The following TNR variants were observed in gnomAD, a reference collection of about 807,000 sequenced individuals.
The protein encoded by TNR is tenascin-R.
Under a neutral mutation model 150.4 loss-of-function variants are expected in TNR, and 45 were observed. The observed-to-expected ratio is 0.30, with a 90% confidence interval of 0.24 to 0.38. The LOEUF is 0.38. Among genes scored for constraint, TNR ranks in the 10% least tolerant of loss-of-function variants. The probability of loss-of-function intolerance (pLI) is 1.00; values close to 1 mark genes in which losing one functional copy is unlikely to be tolerated. For missense variants in TNR, 1,544 were observed against 1,759.1 expected, an observed-to-expected ratio of 0.88 and a Z score of 2.19; for synonymous variants, 687 against 678.4, an observed-to-expected ratio of 1.01 and a Z score of -0.20.
At position 175,320,490 on chromosome 1, in the gene TNR, T is replaced by C. The variant is rs1396138673; in HGVS notation, c.*2867A>G. On this transcript the variant is annotated 3_prime_UTR_variant, in exon 23 of 23. Coordinates refer to ENST00000367674, the MANE Select transcript of TNR (RefSeq NM_003285.3). Reference sequence around the variant, plus strand: ...TGGTACTATTTATAAAAATGTTCCATAGTGTAGAATGGTTTCAATAAAAGG... The same window carrying C: ...TGGTACTATTTATAAAAATGTTCCACAGTGTAGAATGGTTTCAATAAAAGG... The C allele has an allele frequency of 1.3e-5, 2 of 152,216 alleles. No individual in the cohort carries two copies. The highest frequency in any genetic ancestry group is 4.8e-5 in the African/African-American group (2 of 41,454). The allele number at this position is 152,216 out of a possible 1,614,324, so 9.4% of individuals were successfully genotyped here.
chr1:175,577,606 C>A (rs561806659), intron 1 of TNR, among the ~76,000 whole-genome samples: 2 of 151,982 alleles, frequency 1.3e-5, no homozygotes, highest in Admixed American at 6.6e-5. Context: ...GGTTTGGGAG[C>A]GAGGTAGGGA....
chr1:175,723,285 T>C (rs934282087), intron 1 of TNR, among the ~76,000 whole-genome samples: 2 of 152,206 alleles, frequency 1.3e-5, no homozygotes, highest in Non-Finnish European at 2.9e-5. Context: ...ACACAGTGGA[T>C]GCCCTAATGC....
At chr1:175,540,541 G>A (rs911857014) in intron 1 of TNR, among the ~76,000 whole-genome samples, 1 of 152,202 alleles carries the variant, frequency 6.6e-6, no homozygotes, top group African/African-American at 2.4e-5. Flanking sequence ...CTCAGCTACA[G>A]ATAGCCCTGG....
At chr1:175,340,060 AT>A in intron 18 of TNR, among the ~76,000 whole-genome samples, 1 of 152,224 alleles carries the variant, frequency 6.6e-6, no homozygotes, top group Non-Finnish European at 1.5e-5. Context: ...ATAGTGATTC[AT>A]TTTTTAAAGT....
At chr1:175,692,626 G>A (rs919058353) in intron 1 of TNR, among the ~76,000 whole-genome samples, 1 of 152,178 alleles carries the variant, frequency 6.6e-6, no homozygotes, top group Non-Finnish European at 1.5e-5. Flanking sequence ...GGGCTAAGCA[G>A]GAGTAAGCAG....
At chr1:175,565,032 C>G (rs879398890) in intron 1 of TNR, among the ~76,000 whole-genome samples, 1 of 152,246 alleles carries the variant, frequency 6.6e-6, no homozygotes, top group African/African-American at 2.4e-5. Flanking sequence ...TATGACATAG[C>G]ATCCAAGGCT....
At chr1:175,432,586 C>A (rs1655325338) in intron 2 of TNR, among the ~76,000 whole-genome samples, 1 of 152,052 alleles carries the variant, frequency 6.6e-6, no homozygotes, top group Non-Finnish European at 1.5e-5. Flanking sequence ...TTCCTTCTTT[C>A]ATTTTCTTTT....
Position 175,386,931 on chromosome 1 carries a change from G to A in TNR, c.1508-630C>T, listed in dbSNP as rs544904101. Among the ~76,000 whole-genome samples the A allele has an allele frequency of 5.7e-4, 87 of 152,310 alleles. 1 individual carries two copies. Among genetic ancestry groups the A allele is most frequent in the Admixed American group, 2.2e-3 (34 of 15,298 alleles). On this transcript the variant is annotated intron_variant, in intron 7 of 22. Coordinates refer to ENST00000367674, the MANE Select transcript of TNR (RefSeq NM_003285.3). ...AAAGGATAAAAAGGACCCCAGCTTCGGAACAGCCTCTTACGGGTCATTTTT... is the reference window on the plus strand; with the variant it reads ...AAAGGATAAAAAGGACCCCAGCTTCAGAACAGCCTCTTACGGGTCATTTTT...
At chr1:175,530,013 T>C (rs1660001445) in intron 1 of TNR, among the ~76,000 whole-genome samples, 1 of 152,238 alleles carries the variant, frequency 6.6e-6, no homozygotes, top group African/African-American at 2.4e-5. Flanking sequence ...CATTTTAAAG[T>C]TCTTCATTTG....
intron 2 of TNR, among the ~76,000 whole-genome samples, chr1:175,489,533 T>G (rs1354927217): frequency 6.6e-6 from 1 of 152,170 alleles, no homozygotes; most frequent in East Asian, 1.9e-4. Context: ...GAAGGCACCT[T>G]CCTGGGGAGA....
At chr1:175,529,404 T>C (rs996528062) in intron 1 of TNR, among the ~76,000 whole-genome samples, 2 of 152,144 alleles carry the variant, frequency 1.3e-5, no homozygotes, top group African/African-American at 2.4e-5. Context: ...AGTGTAAAGA[T>C]TATTTAGTTC....
At chr1:175,402,587 A>G (rs1037373121) in intron 4 of TNR, among the ~76,000 whole-genome samples, 2 of 152,228 alleles carry the variant, frequency 1.3e-5, no homozygotes, top group Admixed American at 6.5e-5. Flanking sequence ...GTCCTTGTCT[A>G]AAAACACTCT....
At chr1:175,497,640 T>G (rs185171891) in intron 2 of TNR, among the ~76,000 whole-genome samples, 9 of 152,304 alleles carry the variant, frequency 5.9e-5, no homozygotes, top group Non-Finnish European at 4.4e-5. Context: ...TCCCCCTTCA[T>G]GCAAGAAAGC....
chr1:175,331,062 T>TTTCCTTCC (rs1649803094), intron 20 of TNR, among the ~76,000 whole-genome samples: 1 of 124,000 alleles, frequency 8.1e-6, no homozygotes, highest in African/African-American at 3.5e-5. Flanking sequence ...TCTTTCTTTC[T>TTTCCTTCC]TTCTTTCTTT....
At chr1:175,701,125 G>C (rs1368045332) in intron 1 of TNR, among the ~76,000 whole-genome samples, 1 of 152,138 alleles carries the variant, frequency 6.6e-6, no homozygotes, top group South Asian at 2.1e-4. Flanking sequence ...CAAAACACTG[G>C]TTCATGCTCC....
chr1:175,720,799 G>A (rs1441398718), intron 1 of TNR, among the ~76,000 whole-genome samples: 1 of 152,210 alleles, frequency 6.6e-6, no homozygotes, highest in Non-Finnish European at 1.5e-5. Context: ...AGATATTCCT[G>A]TTTTGCTCTC....
chr1:175,451,613 C>T (rs185302034), intron 2 of TNR, among the ~76,000 whole-genome samples: 140 of 152,258 alleles, frequency 9.2e-4, no homozygotes, highest in Non-Finnish European at 1.5e-3. Flanking sequence ...TTGGATACGC[C>T]GTCCCAGAGG....
In TNR at chr1:175,498,069, A is replaced by G. The variant is rs181129870; in HGVS notation, c.-64+30200T>C. 4.1e-3 allele frequency among the ~76,000 whole-genome samples: 622 copies of G among 152,032 alleles called. 4 individuals carry two copies. The highest frequency in any genetic ancestry group is 0.014 in the African/African-American group (589 of 41,298). ...AGAGAGGCTCCATCTCAAAACAACA[A>G]CAGCAACAACAACAACAACAACAAA... On this transcript the variant is annotated intron_variant, in intron 2 of 22. Transcript: ENST00000367674.
chr1:175,416,570 C>A (rs1205009243), intron 2 of TNR, among the ~76,000 whole-genome samples: 1 of 152,154 alleles, frequency 6.6e-6, no homozygotes. Flanking sequence ...AGTCATATTA[C>A]CTTTCATCTT....
Sources: allele counts gnomAD v4.1 joint callset (sites outside exome capture counted in the v4.1 genomes callset), GRCh38; gene constraint gnomAD v4.1.1; transcripts MANE v1.5; gene names NCBI Gene and HGNC (gene_info 2026-07-23, HGNC 2026-07-21).